TCF3: variants seen among roughly 807,000 people sequenced by gnomAD.
TCF3 encodes the protein transcription factor E2-alpha.
Under a neutral mutation model 72.3 loss-of-function variants are expected in TCF3, and 54 were observed. The observed-to-expected ratio is 0.75, with a 90% CI of 0.60 to 0.94. TCF3 has a LOEUF of 0.94. Among genes scored for constraint, TCF3 ranks in the 40% least tolerant of loss-of-function variants. The pLI is 0.00. For missense variants in TCF3, 1,078 were observed against 934.4 expected, an observed-to-expected ratio of 1.15 and a Z score of -2.00; for synonymous variants, 525 against 412.6, an observed-to-expected ratio of 1.27 and a Z score of -3.30.
chr19:1,615,680 T>A lies in TCF3; in HGVS notation c.1586+6A>T, dbSNP rs1386528639. The A allele has an allele frequency of 1.2e-6, 2 of 1,613,140 alleles. No homozygotes were observed. The highest frequency in any genetic ancestry group is 3.3e-5 in the Admixed American group (2 of 59,966). On this transcript the variant is annotated splice_donor_region_variant and intron_variant, in intron 17 of 18. Coordinates refer to ENST00000262965, the MANE Select transcript of TCF3 (RefSeq NM_003200.5). The surrounding 1 kb of genome is among the most constrained non-coding windows in gnomAD (Gnocchi z 7.3). The stretch of plus-strand genomic sequence containing the variant: ...GGGTGGGGAGTGCCGAGGGGTGGGT[T>A]GGCACCTGGTCCGGGCCCGGGGGGC...
intron 5 of TCF3, among the ~76,000 whole-genome samples, chr19:1,627,697 G>A (rs937306934): frequency 6.6e-6 from 1 of 152,196 alleles, no homozygotes; most frequent in East Asian, 1.9e-4. Context: ...CGATGATTTC[G>A]GGGCCAACTC....
chr19:1,641,207 A>G (rs1001260973), intron 3 of TCF3, among the ~76,000 whole-genome samples: 3 of 152,196 alleles, frequency 2.0e-5, no homozygotes, highest in Non-Finnish European at 4.4e-5. Context: ...AAAGAAAAAA[A>G]AAAGATACAG....
intron 16 of TCF3, among the ~76,000 whole-genome samples, chr19:1,618,816 G>T (rs547019914): frequency 6.6e-6 from 1 of 152,154 alleles, no homozygotes; most frequent in African/African-American, 2.4e-5. Context: ...TGAGGCAGAG[G>T]CATCCTGCTG....
chr19:1,644,642 G>C (rs2065813100), intron 3 of TCF3, among the ~76,000 whole-genome samples: 1 of 152,184 alleles, frequency 6.6e-6, no homozygotes, highest in Non-Finnish European at 1.5e-5. Context: ...GTTCCTGCTG[G>C]GACCGGGCTG....
chr19:1,624,480 T>C (rs2062639667), intron 7 of TCF3, among the ~76,000 whole-genome samples: 2 of 152,036 alleles, frequency 1.3e-5, no homozygotes, highest in African/African-American at 4.8e-5. Flanking sequence ...ACCACGATGG[T>C]TTTCTCCCGC....
chr19:1,621,777 C>G (rs2062255127), intron 11 of TCF3, 61 bp downstream of exon 11: 1 of 1,493,914 alleles, frequency 6.7e-7, no homozygotes, highest in African/African-American at 1.4e-5. Context: ...ACCCCCCACC[C>G]AGACCCTGCC....
chr19:1,646,940 G>C (rs2066203510), intron 2 of TCF3, among the ~76,000 whole-genome samples: 1 of 152,174 alleles, frequency 6.6e-6, no homozygotes, highest in African/African-American at 2.4e-5. Flanking sequence ...CCCTGGAGCA[G>C]GGGGTCCCTG....
intron 16 of TCF3, among the ~76,000 whole-genome samples, chr19:1,618,167 C>A (rs1181719495): frequency 6.6e-6 from 1 of 152,128 alleles, no homozygotes; most frequent in Non-Finnish European, 1.5e-5. Context: ...TTCCCAGCCC[C>A]AGTGTCACCC....
intron 3 of TCF3, among the ~76,000 whole-genome samples, chr19:1,639,178 G>C (rs1347650500): frequency 1.3e-5 from 2 of 152,206 alleles, no homozygotes; most frequent in East Asian, 3.8e-4. Flanking sequence ...CGAGCAGCTG[G>C]GATTGCAGGC....
rs559399631 is a variant in TCF3 at position 1,617,345 on chromosome 19, C to G, written c.1451-1524G>C. Among the ~76,000 whole-genome samples, 3 of 152,362 alleles carry G rather than the reference C, an allele frequency of 2.0e-5. 1 individual carries two copies. In the South Asian group the frequency reaches 6.2e-4, roughly 32 times the overall value. On this transcript the variant is annotated intron_variant, in intron 16 of 18. Transcript: ENST00000262965. ...CAGCCGCTCACACCACACATGTACC[C>G]CACACACAACATAAGCCAGCAAACC...
chr19:1,620,378 C>G (rs1038843806), intron 13 of TCF3, among the ~76,000 whole-genome samples: 4 of 152,148 alleles, frequency 2.6e-5, no homozygotes, highest in Non-Finnish European at 4.4e-5. Flanking sequence ...TGCGGATAAG[C>G]AAGCACGTCC....
chr19:1,610,716 G>A lies in TCF3; in HGVS notation c.*991C>T, dbSNP rs1599383697. On this transcript the variant is annotated 3_prime_UTR_variant, in exon 19 of 19. Coordinates refer to ENST00000262965, the MANE Select transcript of TCF3 (RefSeq NM_003200.5). ...CTGCTTGGCAGAGTCACCTGGGAGG[G>A]TCAGAGCCACCTTGCTGACGTCCCT... is the stretch of plus-strand genomic sequence containing the variant. 1 of 231,172 alleles carries A rather than the reference G, an allele frequency of 4.3e-6. No homozygotes were observed. Among genetic ancestry groups the A allele is most frequent in the East Asian group, 6.1e-5 (1 of 16,374 alleles). 14.3% of individuals were successfully genotyped at this position (231,172 alleles called of 1,614,324 possible). A position where few individuals can be genotyped will look rare whatever the true frequency, so the allele number is the denominator to read the frequency against.
At chr19:1,629,598 T>C (rs1049064067) in intron 5 of TCF3, among the ~76,000 whole-genome samples, 1 of 151,582 alleles carries the variant, frequency 6.6e-6, no homozygotes, top group African/African-American at 2.4e-5. Context: ...GAGCCCCCAG[T>C]GTGGAGGGCC....
chr19:1,635,050 T>C (rs2064210185), intron 3 of TCF3, among the ~76,000 whole-genome samples: 1 of 151,942 alleles, frequency 6.6e-6, no homozygotes, highest in Non-Finnish European at 1.5e-5. Context: ...GTACCAGGAG[T>C]GGGGTTACCA....
chr19:1,633,118 T>C (rs984815796), intron 3 of TCF3, among the ~76,000 whole-genome samples: 1 of 152,118 alleles, frequency 6.6e-6, no homozygotes, highest in Non-Finnish European at 1.5e-5. Flanking sequence ...CCCTTATCTC[T>C]CAGAACACTC....
intron 3 of TCF3, among the ~76,000 whole-genome samples, chr19:1,637,354 C>A (rs1380574488): frequency 6.6e-6 from 1 of 151,926 alleles, no homozygotes; most frequent in African/African-American, 2.4e-5. Flanking sequence ...CCAGGGACAA[C>A]CTTCTCCCCC....
At chr19:1,632,301 T>C in intron 4 of TCF3, 31 bp downstream of exon 4, 1 of 1,565,924 alleles carries the variant, frequency 6.4e-7, no homozygotes, top group Non-Finnish European at 8.7e-7. Flanking sequence ...GACAGGAAAC[T>C]CAGGGTCTCA....
In TCF3 at chr19:1,611,666, A is replaced by C; in HGVS notation, c.*41T>G. ...AGTGGCCGTTCTGGGGCCAGAGCAC[A>C]GGGCTGAAAGCGGGTGGCTCGTCCC... is the stretch of plus-strand genomic sequence containing the variant. On this transcript the variant is annotated 3_prime_UTR_variant, in exon 19 of 19. Transcript: ENST00000262965. 1 of 1,591,906 alleles carries C rather than the reference A, an allele frequency of 6.3e-7. No homozygotes were observed. The highest frequency in any genetic ancestry group is 8.6e-7 in the Non-Finnish European group (1 of 1,166,766).
Position 1,652,490 on chromosome 19 carries a change from G to T in TCF3, c.-230C>A, listed in dbSNP as rs1426542190. 9 of 140,380 alleles carry T rather than the reference G, an allele frequency of 6.4e-5. No individual in the cohort carries two copies. Among genetic ancestry groups the T allele is most frequent in the Non-Finnish European group, 1.4e-4 (9 of 64,164 alleles). The allele number at this position is 140,380 out of a possible 1,614,324, so 8.7% of individuals were successfully genotyped here. A position where few individuals can be genotyped will look rare whatever the true frequency, so the allele number is the denominator to read the frequency against. On this transcript the variant is annotated 5_prime_UTR_variant, in exon 1 of 19. Coordinates refer to ENST00000262965, the MANE Select transcript of TCF3 (RefSeq NM_003200.5). ...TCCCGCGGGGCCCGTGCGCGCGGCC[G>T]GCCGGGGCGCCCCTGGGGCAGCGGC...
Sources: allele counts gnomAD v4.1 joint callset (sites outside exome capture counted in the v4.1 genomes callset), GRCh38; gene constraint gnomAD v4.1.1; non-coding constraint Gnocchi (gnomAD v3.1); transcripts MANE v1.5; gene names NCBI Gene and HGNC (gene_info 2026-07-23, HGNC 2026-07-21).